The following XIRP2 variants were observed in gnomAD, a reference collection of about 807,000 sequenced individuals.
The protein encoded by XIRP2 is xin actin binding repeat containing 2.
In XIRP2, 236 loss-of-function variants were observed where a neutral mutation model predicts 277.0. The observed-to-expected ratio is 0.85, with a 90% CI of 0.77 to 0.95. The LOEUF (loss-of-function observed/expected upper bound fraction) is 0.95. Among genes scored for constraint, XIRP2 ranks in the 40% least tolerant of loss-of-function variants. XIRP2 has a pLI of 0.00. For synonymous variants in XIRP2, 1,490 were observed against 1,416.5 expected (o/e 1.05, Z -1.17); for missense variants, 4,640 against 4,157.5 (o/e 1.12, Z -3.19).
chr2:166,999,782 GA>G (rs1687316839), intron 2 of XIRP2, among the ~76,000 whole-genome samples: 1 of 152,022 alleles, frequency 6.6e-6, no homozygotes, highest in African/African-American at 2.4e-5. Flanking sequence ...TTTTCTTCCT[GA>G]CATAGAGAAC....
At chr2:167,010,196 G>A (rs1466452258) in intron 2 of XIRP2, among the ~76,000 whole-genome samples, 1 of 152,146 alleles carries the variant, frequency 6.6e-6, no homozygotes, top group Non-Finnish European at 1.5e-5. Flanking sequence ...GGTATTTATG[G>A]TTGTAGGTCT....
At chr2:167,161,570 A>G (rs1692364602) in intron 3 of XIRP2, among the ~76,000 whole-genome samples, 1 of 152,206 alleles carries the variant, frequency 6.6e-6, no homozygotes, top group South Asian at 2.1e-4. Flanking sequence ...GGCCCCTTCC[A>G]GCCACAGCTG....
chr2:167,251,673 T>A lies in XIRP2; in HGVS notation c.10281T>A (p.Ser3427Arg). Residue 3427 changes from serine to arginine, a missense_variant, in exon 9 of 11, where the codon AGT becomes AGA. Ser to Arg is a moderately radical substitution (Grantham distance 110). Transcript: ENST00000409195. ...TCTCAGGCATGGATGCATTTGAGAG[T>A]CAAATTGTTGAGTCGAAGATGAAAA... ...EHFSGMDAFE[S>R]QIVESKMKTS... 1 of 1,613,246 alleles carries A rather than the reference T, an allele frequency of 6.2e-7. No individual in the cohort carries two copies. Among genetic ancestry groups the A allele is most frequent in the Non-Finnish European group, 8.5e-7 (1 of 1,179,604 alleles).
intron 2 of XIRP2, among the ~76,000 whole-genome samples, chr2:167,085,026 T>C (rs1405608745): frequency 1.0e-5 from 1 of 95,578 alleles, no homozygotes; most frequent in African/African-American, 2.8e-5. Flanking sequence ...TTCTTTTAAT[T>C]GTGATGGTAG....
rs199577059 is a variant in XIRP2 at position 167,243,709 on chromosome 2, A to G, written c.2317A>G (p.Met773Val). Reference protein sequence around the residue: ...EKGDVRTARWMFETQPLDTIN... With the variant: ...EKGDVRTARWVFETQPLDTIN... Reference sequence around the variant, plus strand: ...GGGAGATGTAAGAACAGCACGGTGGATGTTTGAAACACAGCCGTTGGACAC... The same window carrying G: ...GGGAGATGTAAGAACAGCACGGTGGGTGTTTGAAACACAGCCGTTGGACAC... Residue 773 changes from methionine (M) to valine (V), a missense_variant, in exon 9 of 11, where the codon ATG becomes GTG. Coordinates refer to ENST00000409195, the MANE Select transcript of XIRP2 (RefSeq NM_152381.6). The G allele has an allele frequency of 5.6e-6, 9 of 1,613,984 alleles. No individual in the cohort carries two copies. Among genetic ancestry groups the G allele is most frequent in the Non-Finnish European group, 5.1e-6 (6 of 1,179,988 alleles).
In XIRP2 at chr2:167,246,120, A is replaced by T; in HGVS notation, c.4728A>T (p.Glu1576Asp). 1 of 1,613,396 alleles carries T rather than the reference A, an allele frequency of 6.2e-7. No homozygotes were observed. Among genetic ancestry groups the T allele is most frequent in the East Asian group, 2.2e-5 (1 of 44,850 alleles). The change falls in exon 9 of 11, where the codon GAA (glutamate) becomes GAT (aspartate). Residue 1576 changes from glutamate (E) to aspartate (D), a missense_variant. Coordinates refer to ENST00000409195, the MANE Select transcript of XIRP2 (RefSeq NM_152381.6). ...QAPGIIIEADEIGDVRMAKYK... is the reference protein window; with the variant it reads ...QAPGIIIEADDIGDVRMAKYK... ...CTGGAATCATCATTGAAGCTGATGAAATAGGGGATGTTCGAATGGCAAAAT... is the reference window on the plus strand; with the variant it reads ...CTGGAATCATCATTGAAGCTGATGATATAGGGGATGTTCGAATGGCAAAAT...
At chr2:166,902,764 G>C (rs1255888577) in intron 1 of XIRP2, among the ~76,000 whole-genome samples, 1 of 152,010 alleles carries the variant, frequency 6.6e-6, no homozygotes, top group Non-Finnish European at 1.5e-5. Flanking sequence ...CACTGGTTAA[G>C]AGGGCAGATC....
rs200327879 is a variant in XIRP2, at chr2:166,934,866, TAA to T, written c.408+30981_408+30982del. 3.4e-3 allele frequency among the ~76,000 whole-genome samples: 514 copies of T among 151,352 alleles called. 6 individuals are homozygous for T. Among genetic ancestry groups the T allele is most frequent in the East Asian group, 0.019 (98 of 5,074 alleles). On this transcript the variant is annotated intron_variant, in intron 2 of 10. Coordinates refer to ENST00000409195, the MANE Select transcript of XIRP2 (RefSeq NM_152381.6). Reference sequence around the variant, plus strand: ...TACTAAAAATAAAAAAAAAATTTTTTAAAAAAGAAAAATAATTAACTAGTTGT... The same window carrying T: ...TACTAAAAATAAAAAAAAAATTTTTTAAAAGAAAAATAATTAACTAGTTGT...
At position 167,259,197 on chromosome 2, in the gene XIRP2, A is replaced by G. The variant is rs764559830; in HGVS notation, c.*1380A>G. The G allele has an allele frequency of 6.2e-7, 1 of 1,613,550 alleles. No individual in the cohort carries two copies. On this transcript the variant is annotated 3_prime_UTR_variant, in exon 11 of 11. Transcript: ENST00000409195. ...TTTGGAAAGGATGTTAAACCTTGGC[A>G]TGTTGAAACAACAGAAGCTGCCCGC... is the stretch of plus-strand genomic sequence containing the variant.
intron 3 of XIRP2, among the ~76,000 whole-genome samples, chr2:167,179,130 G>A (rs73025735): frequency 0.099 from 15,021 of 151,788 alleles, 798 homozygotes; most frequent in South Asian, 0.16. Flanking sequence ...TATTTTTCAA[G>A]GAATATTTTA....
At chr2:167,112,529 A>C (rs1259739415) in intron 2 of XIRP2, among the ~76,000 whole-genome samples, 4 of 148,524 alleles carry the variant, frequency 2.7e-5, no homozygotes, top group South Asian at 2.1e-4. Context: ...CTCTCTCTAT[A>C]TATATATACC....
intron 2 of XIRP2, among the ~76,000 whole-genome samples, chr2:167,086,119 C>T (rs1005934804): frequency 2.0e-5 from 3 of 151,980 alleles, no homozygotes; most frequent in Non-Finnish European, 4.4e-5. Context: ...CCTTCAGGAG[C>T]TCTTTTAGGG....
intron 2 of XIRP2, among the ~76,000 whole-genome samples, chr2:166,921,076 A>G (rs1409712121): frequency 1.3e-5 from 2 of 151,930 alleles, no homozygotes; most frequent in Non-Finnish European, 2.9e-5. Flanking sequence ...CTTTCCTTTC[A>G]AATATCTCTG....
chr2:167,034,068 A>G (rs113316793), intron 2 of XIRP2, among the ~76,000 whole-genome samples: 2,267 of 152,292 alleles, frequency 0.015, 66 homozygotes, highest in African/African-American at 0.052. Flanking sequence ...AATAACTACA[A>G]CAATGTTTCA....
In XIRP2 at chr2:167,258,674, A is replaced by C. The variant is rs749691950; in HGVS notation, c.*857A>C. On this transcript the variant is annotated 3_prime_UTR_variant, in exon 11 of 11. Transcript: ENST00000409195. Reference sequence around the variant, plus strand: ...AGAAAATTTGAATAAGAATAATAATAACAATTATGTAGCAGTCTCATATCT... The same window carrying C: ...AGAAAATTTGAATAAGAATAATAATCACAATTATGTAGCAGTCTCATATCT... 6.2e-7 allele frequency: 1 copy of C among 1,611,848 alleles called. No homozygotes were observed. Among genetic ancestry groups the C allele is most frequent in the South Asian group, 1.1e-5 (1 of 90,780 alleles).
intron 2 of XIRP2, among the ~76,000 whole-genome samples, chr2:167,093,217 TA>T (rs1220321199): frequency 2.0e-5 from 3 of 151,818 alleles, no homozygotes; most frequent in Middle Eastern, 3.5e-3. Context: ...ATTAAGTAGA[TA>T]TTAAGAATAT....
intron 3 of XIRP2, among the ~76,000 whole-genome samples, chr2:167,160,465 A>G (rs1428376122): frequency 6.6e-6 from 1 of 152,216 alleles, no homozygotes; most frequent in Non-Finnish European, 1.5e-5. Context: ...GAAACAGTGT[A>G]AAACTTACAG....
intron 2 of XIRP2, among the ~76,000 whole-genome samples, chr2:167,055,215 A>C (rs929016327): frequency 2.6e-5 from 4 of 152,326 alleles, no homozygotes; most frequent in African/African-American, 9.6e-5. Context: ...AAGACCACAA[A>C]GAAAAAAGGC....
chr2:167,201,256 AAGAAAGAGAG>A (rs1395967393), intron 3 of XIRP2, among the ~76,000 whole-genome samples: 1 of 101,188 alleles, frequency 9.9e-6, no homozygotes, highest in Non-Finnish European at 2.1e-5. Context: ...GAAAGAAAGA[AAGAAAGAGAG>A]AGGGAGAAAG....
Sources: allele counts gnomAD v4.1 joint callset (sites outside exome capture counted in the v4.1 genomes callset), GRCh38; gene constraint gnomAD v4.1.1; transcripts MANE v1.5; gene names NCBI Gene and HGNC (gene_info 2026-07-23, HGNC 2026-07-21).